OPHN1: variants seen among roughly 807,000 people sequenced by gnomAD.
The protein encoded by OPHN1 is oligophrenin-1.
OPHN1 carries 11 observed loss-of-function variants against 60.7 expected under a neutral mutation model. The observed-to-expected ratio is 0.18, with a 90% confidence interval of 0.11 to 0.30. OPHN1 has a LOEUF of 0.30. Ranked by LOEUF, OPHN1 falls within the 10% of genes least tolerant of loss-of-function variation. The probability of loss-of-function intolerance (pLI) is 1.00; values close to 1 mark genes in which losing one functional copy is unlikely to be tolerated. For synonymous variants in OPHN1, 226 were observed against 222.6 expected, an observed-to-expected ratio of 1.02 and a Z score of -0.14; for missense variants, 449 against 611.0, an observed-to-expected ratio of 0.73 and a Z score of 2.80.
At chrX:68,237,236 C>T (rs1432590431) in intron 5 of OPHN1, among the ~76,000 whole-genome samples, 1 of 112,787 alleles carries the variant, frequency 8.9e-6, no homozygotes, top group African/African-American at 3.2e-5. Flanking sequence ...CCACCCACCT[C>T]AGCCTCCCAA....
chrX:68,332,626 G>C (rs958661151), intron 2 of OPHN1, among the ~76,000 whole-genome samples: 4 of 111,312 alleles, frequency 3.6e-5, no homozygotes, highest in African/African-American at 9.8e-5. Context: ...GCTGAATACT[G>C]AGCCTTTCCT....
At chrX:68,153,321 T>C (rs1294451342) in intron 15 of OPHN1, among the ~76,000 whole-genome samples, 2 of 110,936 alleles carry the variant, frequency 1.8e-5, no homozygotes, top group Non-Finnish European at 3.8e-5. Context: ...ACACCAATAG[T>C]AAATAAGCTG....
At chrX:68,387,200 T>TTCTCTC (rs61349611) in intron 2 of OPHN1, among the ~76,000 whole-genome samples, 61,795 of 99,293 alleles carry the variant, frequency 0.62, 18,342 homozygotes, top group Non-Finnish European at 0.85. Context: ...TTCTTTCTGT[T>TTCTCTC]TCTCTCTCTC....
At chrX:68,068,863 T>C (rs1269351039) in intron 20 of OPHN1, among the ~76,000 whole-genome samples, 2 of 111,854 alleles carry the variant, frequency 1.8e-5, no homozygotes, top group East Asian at 2.8e-4. Context: ...TATATTTCTA[T>C]GAAATGTTCA....
At chrX:68,060,646 C>T (rs1156655370) in intron 21 of OPHN1, among the ~76,000 whole-genome samples, 1 of 112,242 alleles carries the variant, frequency 8.9e-6, no homozygotes, top group African/African-American at 3.2e-5. Context: ...GTTAAGGCCA[C>T]TCAAATGTTA....
At chrX:68,284,944 G>C (rs749035511) in intron 3 of OPHN1, among the ~76,000 whole-genome samples, 15 of 112,139 alleles carry the variant, frequency 1.3e-4, no homozygotes, top group Non-Finnish European at 2.6e-4. Flanking sequence ...AAGAGAAAAA[G>C]TCTGCCTGTA....
At chrX:68,422,786 A>AGAGG (rs1186609970) in intron 2 of OPHN1, among the ~76,000 whole-genome samples, 1 of 60,469 alleles carries the variant, frequency 1.7e-5, no homozygotes, top group South Asian at 1.8e-3. Context: ...AGAAAGAGAG[A>AGAGG]GAGGGAGGGA....
At chrX:68,208,900 C>T (rs2077571969) in intron 9 of OPHN1, among the ~76,000 whole-genome samples, 1 of 112,224 alleles carries the variant, frequency 8.9e-6, no homozygotes, top group Non-Finnish European at 1.9e-5. Context: ...ATTATCCAGC[C>T]TGAAATGTCA....
chrX:68,135,507 G>T (rs777233111), intron 15 of OPHN1, among the ~76,000 whole-genome samples: 1 of 112,045 alleles, frequency 8.9e-6, no homozygotes, highest in Admixed American at 9.5e-5. Flanking sequence ...GAAACCACTG[G>T]TGAGTTTTAA....
intron 4 of OPHN1, among the ~76,000 whole-genome samples, chrX:68,278,481 C>T (rs780705194): frequency 8.9e-6 from 1 of 112,836 alleles, no homozygotes; most frequent in South Asian, 3.6e-4. Flanking sequence ...CATCAGAATC[C>T]TATTGAATAA....
chrX:68,064,448 T>C (rs1357640325), intron 20 of OPHN1, among the ~76,000 whole-genome samples: 1 of 111,668 alleles, frequency 9.0e-6, no homozygotes, highest in Non-Finnish European at 1.9e-5. Flanking sequence ...CAAGAGGTTT[T>C]ATTAAAGGAA....
chrX:68,111,862 G>A lies in OPHN1; in HGVS notation c.1518C>T (p.His506=). 1 of 1,189,849 alleles carries A rather than the reference G, an allele frequency of 8.4e-7. No individual in the cohort carries two copies. Among genetic ancestry groups the A allele is most frequent in the Non-Finnish European group, 1.1e-6 (1 of 875,880 alleles). The part of the protein sequence containing the change: ...NREMLELLIR[H]LVNVCEHSKE... ...ATCCAGCAGTTACTTACTTGACCAAGTGTCTTATCAGAAGTTCCAGCATCT... is the reference window on the plus strand; with the variant it reads ...ATCCAGCAGTTACTTACTTGACCAAATGTCTTATCAGAAGTTCCAGCATCT... Residue 506 remains histidine, a synonymous_variant, in exon 18 of 25, where the codon CAC becomes CAT. Coordinates refer to ENST00000355520, the MANE Select transcript of OPHN1 (RefSeq NM_002547.3).
Position 68,063,951 on chromosome X carries a change from C to A in OPHN1, c.2061G>T (p.Lys687Asn). 1.7e-6 allele frequency: 2 copies of A among 1,208,833 alleles called. No individual in the cohort carries two copies. The highest frequency in any genetic ancestry group is 2.2e-6 in the Non-Finnish European group (2 of 894,214). ...AGCCTGGCATGGGTCCATTGGTGGCCTTTGGGGTGATCTTGGTCCCTCCAT... is the reference window on the plus strand; with the variant it reads ...AGCCTGGCATGGGTCCATTGGTGGCATTTGGGGTGATCTTGGTCCCTCCAT... ...LQDGGTKITP[K>N]ATNGPMPGSG... Residue 687 changes from lysine (K) to asparagine (N), a missense_variant, in exon 21 of 25, where the codon AAG becomes AAT. Lys to Asn is a moderately conservative substitution (Grantham distance 94, BLOSUM62 0). Coordinates refer to ENST00000355520, the MANE Select transcript of OPHN1 (RefSeq NM_002547.3).
intron 15 of OPHN1, among the ~76,000 whole-genome samples, chrX:68,140,026 G>A (rs1011374445): frequency 1.4e-4 from 16 of 112,355 alleles, no homozygotes; most frequent in African/African-American, 4.9e-4. Flanking sequence ...AAACCCTAAG[G>A]CAACTCCATT....
At chrX:68,425,852 A>G (rs374675084) in intron 2 of OPHN1, among the ~76,000 whole-genome samples, 2 of 70,082 alleles carry the variant, frequency 2.9e-5, no homozygotes, top group East Asian at 5.5e-4. Flanking sequence ...AGAGGGAGAC[A>G]GGGTCTCACT....
intron 2 of OPHN1, among the ~76,000 whole-genome samples, chrX:68,416,683 T>C (rs2078801001): frequency 8.9e-6 from 1 of 111,896 alleles, no homozygotes; most frequent in Admixed American, 9.5e-5. Flanking sequence ...TATGCGGGAA[T>C]AGGTCATTTC....
At chrX:68,327,716 A>C (rs1425055503) in intron 2 of OPHN1, among the ~76,000 whole-genome samples, 2 of 73,590 alleles carry the variant, frequency 2.7e-5, no homozygotes, top group African/African-American at 1.2e-4. Flanking sequence ...CCTTCCCTCC[A>C]CTATTGTCCT....
At chrX:68,114,418 C>T (rs1174714383) in intron 16 of OPHN1, among the ~76,000 whole-genome samples, 1 of 110,650 alleles carries the variant, frequency 9.0e-6, no homozygotes, top group Admixed American at 9.7e-5. Flanking sequence ...CTATACTATA[C>T]TGCCTGCCAC....
intron 5 of OPHN1, among the ~76,000 whole-genome samples, chrX:68,257,544 T>C (rs1369210047): frequency 1.8e-5 from 2 of 111,360 alleles, no homozygotes; most frequent in Non-Finnish European, 3.8e-5. Flanking sequence ...AAAAATTAGA[T>C]GGCAGTATAG....
Sources: gnomAD v4.1 joint callset for allele counts (sites outside exome capture counted in the v4.1 genomes callset) on GRCh38, gnomAD v4.1.1 for gene constraint, MANE v1.5 for transcripts, NCBI Gene and HGNC (gene_info 2026-07-23, HGNC 2026-07-21) for gene names.